The following CFAP54 variants were observed in gnomAD, a reference collection of about 807,000 sequenced individuals.
CFAP54 encodes the protein cilia and flagella associated protein 54.
Under a neutral mutation model 370.4 loss-of-function variants are expected in CFAP54, and 290 were observed. That is an observed-to-expected ratio of 0.78 (90% CI 0.71 to 0.86). The LOEUF is 0.86. Among genes scored for constraint, CFAP54 ranks in the 40% least tolerant of loss-of-function variants. The pLI is 0.00. For synonymous variants in CFAP54, 1,206 were observed against 1,236.5 expected (o/e 0.98, Z 0.52); for missense variants, 3,399 against 3,528.7 (o/e 0.96, Z 0.93).
intron 66 of CFAP54, among the ~76,000 whole-genome samples, chr12:96,832,281 AAAT>A (rs1959173580): frequency 8.3e-6 from 1 of 120,894 alleles, no homozygotes. Flanking sequence ...TAAAAAAAAA[AAAT>A]ATATATATAT....
intron 66 of CFAP54, among the ~76,000 whole-genome samples, chr12:96,831,403 A>G (rs1959170754): frequency 6.6e-6 from 1 of 152,218 alleles, no homozygotes; most frequent in Admixed American, 6.5e-5. Flanking sequence ...TTATAAATAA[A>G]GTTTTATTGG....
rs563994982 is a variant in CFAP54 at position 96,683,332 on chromosome 12, G to A, written c.5717-1316G>A. 2.0e-5 allele frequency among the ~76,000 whole-genome samples: 3 copies of A among 152,280 alleles called. No homozygotes were observed. In the South Asian group the frequency reaches 6.2e-4, roughly 32 times the overall value. Reference sequence around the variant, plus strand: ...ACAGAGACAGGTATGTTGTATTGGTGACTCAAATACTATCAACATGGTTAA... The same window carrying A: ...ACAGAGACAGGTATGTTGTATTGGTAACTCAAATACTATCAACATGGTTAA... On this transcript the variant is annotated intron_variant, in intron 40 of 67. Coordinates refer to ENST00000524981, the MANE Select transcript of CFAP54 (RefSeq NM_001306084.2).
Position 96,657,877 on chromosome 12 carries a change from T to C in CFAP54, c.5101-5T>C, listed in dbSNP as rs369180552. The C allele has an allele frequency of 1.3e-6, 2 of 1,589,198 alleles. No individual in the cohort carries two copies. Among genetic ancestry groups the C allele is most frequent in the Non-Finnish European group, 1.7e-6 (2 of 1,165,320 alleles). On this transcript the variant is annotated splice_polypyrimidine_tract_variant and splice_region_variant and intron_variant, in intron 36 of 67. Coordinates refer to ENST00000524981, the MANE Select transcript of CFAP54 (RefSeq NM_001306084.2). ...ACATTTTTTTTTTCACTGTGCTACT[T>C]GCAGCCTATTGAAGACAAAGGAGAA... is the stretch of plus-strand genomic sequence containing the variant.
intron 38 of CFAP54, 28 bp downstream of exon 38, chr12:96,658,374 T>A (rs1368570127): frequency 6.2e-7 from 1 of 1,610,784 alleles, no homozygotes; most frequent in Non-Finnish European, 8.5e-7. Context: ...CTATTATTCA[T>A]GCTGTTGTGA....
Position 96,540,882 on chromosome 12 carries a change from A to G in CFAP54, c.1972A>G (p.Lys658Glu). ...WQINEVIHCY[K>E]MEDIDIVVVA... ...GATAAATGAAGTAATTCACTGCTATAAAATGGAAGACATTGACATTGTGGT... is the reference window on the plus strand; with the variant it reads ...GATAAATGAAGTAATTCACTGCTATGAAATGGAAGACATTGACATTGTGGT... Residue 658 changes from lysine (K) to glutamate (E), a missense_variant, in exon 14 of 68, where the codon AAA becomes GAA. Physicochemically the swap from Lys to Glu is moderately conservative, Grantham distance 56. Transcript: ENST00000524981. 2 of 1,504,196 alleles carry G rather than the reference A, an allele frequency of 1.3e-6. No individual in the cohort carries two copies. The highest frequency in any genetic ancestry group is 5.1e-5 in the East Asian group (2 of 39,244). 93.2% of individuals were successfully genotyped at this position (1,504,196 alleles called of 1,614,324 possible).
At chr12:96,626,110 G>T (rs151092613) in intron 29 of CFAP54, among the ~76,000 whole-genome samples, 2 of 152,108 alleles carry the variant, frequency 1.3e-5, no homozygotes, top group Admixed American at 6.6e-5. Context: ...GTGGCTGGGC[G>T]CAGAAGCTCA....
chr12:96,604,443 T>C (rs2136448005), intron 26 of CFAP54, among the ~76,000 whole-genome samples: 1 of 152,338 alleles, frequency 6.6e-6, no homozygotes, highest in South Asian at 2.1e-4. Context: ...AGTCTGTCCA[T>C]TATCGGAGCT....
chr12:96,837,552 T>C (rs1480022794), intron 66 of CFAP54, among the ~76,000 whole-genome samples: 2 of 152,240 alleles, frequency 1.3e-5, no homozygotes, highest in Non-Finnish European at 2.9e-5. Flanking sequence ...TTGGGTCTTA[T>C]ACAATAAGAT....
In CFAP54 at chr12:96,589,300, G is replaced by C. The variant is rs1956103292; in HGVS notation, c.3076-127G>C. The C allele has an allele frequency of 9.4e-6, 7 of 747,998 alleles. No homozygotes were observed. The South Asian group carries it at 1.4e-4, about 15-fold the overall frequency. 46.3% of individuals were successfully genotyped at this position (747,998 alleles called of 1,614,324 possible). On this transcript the variant is annotated intron_variant, in intron 22 of 67. Transcript: ENST00000524981. ...AACAGAACAGCAAATGTGAATGATT[G>C]TATCTGAAATGAGCGTGTGATAGCA...
chr12:96,538,143 C>T (rs1018775902), intron 12 of CFAP54, among the ~76,000 whole-genome samples: 2 of 151,864 alleles, frequency 1.3e-5, no homozygotes, highest in African/African-American at 4.8e-5. Context: ...GGTTTGAATC[C>T]CTCCCATCTG....
At chr12:96,799,784 C>G (rs1423019940) in intron 63 of CFAP54, among the ~76,000 whole-genome samples, 1 of 151,986 alleles carries the variant, frequency 6.6e-6, no homozygotes, top group Non-Finnish European at 1.5e-5. Context: ...CAGTAGTTTT[C>G]AAATTATGAT....
chr12:96,742,769 A>C (rs1430715151), intron 52 of CFAP54, among the ~76,000 whole-genome samples, 183 bp downstream of exon 52: 1 of 152,204 alleles, frequency 6.6e-6, no homozygotes, highest in Non-Finnish European at 1.5e-5. Flanking sequence ...TGTATCATTG[A>C]AAGTGGCTTA....
intron 50 of CFAP54, among the ~76,000 whole-genome samples, chr12:96,722,553 T>C (rs1957770758): frequency 6.6e-6 from 1 of 152,130 alleles, no homozygotes; most frequent in African/African-American, 2.4e-5. Context: ...TAAGACCTTT[T>C]GGCCAGGGTA....
intron 14 of CFAP54, among the ~76,000 whole-genome samples, chr12:96,543,601 C>CATT (rs71437223): frequency 0.4 from 61,017 of 151,680 alleles, 12,812 homozygotes; most frequent in South Asian, 0.46. Context: ...GTGTAATGGA[C>CATT]ATTATTGCTA....
chr12:96,818,964 A>G (rs1235660111), intron 65 of CFAP54, among the ~76,000 whole-genome samples: 1 of 152,198 alleles, frequency 6.6e-6, no homozygotes, highest in Non-Finnish European at 1.5e-5. Flanking sequence ...TACCATTTGT[A>G]CCTTAATTTC....
chr12:96,825,234 T>C (rs972144423), intron 65 of CFAP54, among the ~76,000 whole-genome samples: 2 of 134,086 alleles, frequency 1.5e-5, no homozygotes, highest in Non-Finnish European at 3.1e-5. Context: ...CTCTCCCACA[T>C]CTAGGATCCT....
chr12:96,857,618 T>A (rs1959746801), intron 66 of CFAP54, among the ~76,000 whole-genome samples: 1 of 152,154 alleles, frequency 6.6e-6, no homozygotes, highest in African/African-American at 2.4e-5. Flanking sequence ...AAATTGTAAT[T>A]CCCATGTGTC....
intron 60 of CFAP54, among the ~76,000 whole-genome samples, chr12:96,778,564 T>G (rs1046403969): frequency 7.2e-5 from 11 of 152,194 alleles, no homozygotes; most frequent in Non-Finnish European, 2.9e-5. Flanking sequence ...CTCTATACAT[T>G]CTACTTGATG....
intron 26 of CFAP54, among the ~76,000 whole-genome samples, chr12:96,599,958 C>G (rs1328546110): frequency 6.6e-6 from 1 of 152,128 alleles, no homozygotes; most frequent in Non-Finnish European, 1.5e-5. Flanking sequence ...TGTAGGTTGC[C>G]TGTTCGCTCT....
Sources: allele counts gnomAD v4.1 joint callset (sites outside exome capture counted in the v4.1 genomes callset), GRCh38; gene constraint gnomAD v4.1.1; transcripts MANE v1.5; gene names NCBI Gene and HGNC (gene_info 2026-07-23, HGNC 2026-07-21).